RTN3: variants seen among roughly 807,000 people sequenced by gnomAD.
RTN3 encodes reticulon 3.
Under a neutral mutation model 77.8 loss-of-function variants are expected in RTN3, and 49 were observed. That is an observed-to-expected ratio of 0.63 (90% CI 0.50 to 0.80). The LOEUF (loss-of-function observed/expected upper bound fraction) is 0.80, where lower values mean the gene tolerates loss of function less well. RTN3 is among the 30% of genes least tolerant of loss of function. The pLI is 0.00. For missense variants in RTN3, 1,236 were observed against 1,211.9 expected (o/e 1.02, Z -0.29); for synonymous variants, 464 against 446.9 (o/e 1.04, Z -0.48).
intron 1 of RTN3, among the ~76,000 whole-genome samples, chr11:63,682,322 GTTTT>G (rs201365679): frequency 2.0e-5 from 3 of 151,884 alleles, no homozygotes; most frequent in Admixed American, 1.3e-4. Context: ...ATTGTAGCCT[GTTTT>G]TTTTGTTTGT....
chr11:63,750,720 GT>G (rs1020111801), intron 4 of RTN3, among the ~76,000 whole-genome samples: 1 of 150,830 alleles, frequency 6.6e-6, no homozygotes, highest in Non-Finnish European at 1.5e-5. Context: ...CCAAAGTGCT[GT>G]TTTTTTTGTT....
At position 63,718,854 on chromosome 11, in the gene RTN3, G is replaced by A; in HGVS notation, c.352G>A (p.Gly118Arg). The stretch of plus-strand genomic sequence containing the variant: ...GAGCCAGCCTATTTTAGCCAAAGAA[G>A]GAAAAGACCACTTGGATCTTCTAGA... ...LGSQPILAKE[G>R]KDHLDLLDMK... Residue 118 changes from glycine to arginine, a missense_variant, in exon 3 of 9, where the codon GGA becomes AGA. This residue lies in a region of RTN3 where 1,056 missense variants were observed against 990.4 expected (regional missense o/e 1.07). Coordinates refer to ENST00000377819, the MANE Select transcript of RTN3 (RefSeq NM_001265589.2). 6.2e-7 allele frequency: 1 copy of A among 1,614,072 alleles called. No individual in the cohort carries two copies. Among genetic ancestry groups the A allele is most frequent in the Non-Finnish European group, 8.5e-7 (1 of 1,180,012 alleles).
intron 1 of RTN3, among the ~76,000 whole-genome samples, chr11:63,691,630 C>G (rs570968764): frequency 1.3e-5 from 2 of 152,294 alleles, no homozygotes; most frequent in African/African-American, 2.4e-5. Context: ...TTCTTTCCTT[C>G]TTTTGCTCAA....
intron 3 of RTN3, among the ~76,000 whole-genome samples, chr11:63,723,623 C>T: frequency 6.6e-6 from 1 of 152,016 alleles, no homozygotes; most frequent in South Asian, 2.1e-4. Flanking sequence ...TGGGGTTTCA[C>T]CATGTTGGCC....
chr11:63,752,760 C>T (rs2014173134), intron 5 of RTN3, 115 bp downstream of exon 5: 8 of 1,097,464 alleles, frequency 7.3e-6, no homozygotes, highest in Admixed American at 4.0e-5. Context: ...GTATGCTTAG[C>T]TCAGTCATTC....
intron 2 of RTN3, among the ~76,000 whole-genome samples, chr11:63,709,598 GAAA>G (rs968180365): frequency 6.7e-6 from 1 of 149,864 alleles, no homozygotes; most frequent in African/African-American, 2.5e-5. Flanking sequence ...AAAAAAAAAA[GAAA>G]AACATTTTTC....
chr11:63,709,464 T>A (rs1421291089), intron 2 of RTN3, among the ~76,000 whole-genome samples: 1 of 152,112 alleles, frequency 6.6e-6, no homozygotes, highest in Non-Finnish European at 1.5e-5. Flanking sequence ...AGCATTGCAT[T>A]AATGAATGCT....
At chr11:63,727,456 T>G (rs1006478269) in intron 3 of RTN3, among the ~76,000 whole-genome samples, 3 of 151,576 alleles carry the variant, frequency 2.0e-5, no homozygotes, top group Non-Finnish European at 3.0e-5. Context: ...AAAAAGAAAA[T>G]CTCAACCTAG....
Position 63,703,146 on chromosome 11 carries a change from A to G in RTN3, c.143-1705A>G, listed in dbSNP as rs1468623461. 2.0e-5 allele frequency among the ~76,000 whole-genome samples: 3 copies of G among 152,242 alleles called. No individual in the cohort carries two copies. In the East Asian group the frequency reaches 5.8e-4, roughly 29 times the overall value. ...AAAAAACACAATTTTTAAAAACAAT[A>G]CAGTGTAACAACTATTTACATAGCA... On this transcript the variant is annotated intron_variant, in intron 1 of 8. Coordinates refer to ENST00000377819, the MANE Select transcript of RTN3 (RefSeq NM_001265589.2).
At chr11:63,708,501 T>A (rs956164209) in intron 2 of RTN3, among the ~76,000 whole-genome samples, 8 of 152,172 alleles carry the variant, frequency 5.3e-5, no homozygotes, top group African/African-American at 1.9e-4. Context: ...ACTTTTTTTT[T>A]ATCCTGAAAT....
chr11:63,713,869 A>G (rs1486011432), intron 2 of RTN3: 1 of 340,298 alleles, frequency 2.9e-6, no homozygotes, highest in East Asian at 8.0e-5. Context: ...TTTCTGAGAC[A>G]TAAAATAATC....
intron 1 of RTN3, among the ~76,000 whole-genome samples, chr11:63,684,673 C>T (rs995701818): frequency 1.3e-5 from 2 of 152,170 alleles, no homozygotes; most frequent in Non-Finnish European, 1.5e-5. Context: ...ACTATTAGCA[C>T]TTAAAACAGT....
Position 63,719,420 on chromosome 11 carries a change from A to G in RTN3, c.918A>G (p.Pro306=), listed in dbSNP as rs1199122346. Residue 306 remains proline (P), a synonymous_variant, in exon 3 of 9, where the codon CCA becomes CCG. Transcript: ENST00000377819. ...GAAATAAAGAGGCAGGACGTTACCC[A>G]ATGTCTGCATTGCTCAGTAGGCAGT... The part of the protein sequence containing the change: ...PLRNKEAGRY[P]MSALLSRQFS... The G allele has an allele frequency of 6.2e-7, 1 of 1,614,034 alleles. No individual in the cohort carries two copies. The highest frequency in any genetic ancestry group is 1.3e-5 in the African/African-American group (1 of 74,924).
chr11:63,749,128 A>G (rs375717936), intron 3 of RTN3, among the ~76,000 whole-genome samples: 2 of 152,270 alleles, frequency 1.3e-5, no homozygotes, highest in African/African-American at 4.8e-5. Context: ...AAAAAAGAAA[A>G]AAGTACCTGG....
intron 3 of RTN3, among the ~76,000 whole-genome samples, chr11:63,733,255 C>T (rs776227109): frequency 1.3e-5 from 2 of 152,054 alleles, no homozygotes; most frequent in Admixed American, 6.6e-5. Flanking sequence ...GAGGGAGGAC[C>T]GAGGCAGGCA....
chr11:63,731,688 C>T (rs2012703519), intron 3 of RTN3, among the ~76,000 whole-genome samples: 1 of 152,068 alleles, frequency 6.6e-6, no homozygotes, highest in Non-Finnish European at 1.5e-5. Context: ...AACTCTCGCT[C>T]TGTCACCAGG....
intron 1 of RTN3, among the ~76,000 whole-genome samples, chr11:63,687,678 C>T (rs993601586): frequency 6.6e-6 from 1 of 151,460 alleles, no homozygotes; most frequent in East Asian, 1.9e-4. Context: ...AATAACTGTA[C>T]CATTAATGTG....
intron 2 of RTN3, among the ~76,000 whole-genome samples, chr11:63,705,523 C>T (rs920842323): frequency 6.6e-6 from 1 of 152,148 alleles, no homozygotes; most frequent in African/African-American, 2.4e-5. Context: ...CAGGAAACAC[C>T]CAACCCCTAG....
chr11:63,756,130 G>A lies in RTN3; in HGVS notation c.3013G>A (p.Val1005Ile). ...EKYKTQIDHY[V>I]GIARDQTKSI... ...CTTAAAGACCCAGATTGATCACTAT[G>A]TTGGCATCGCCCGAGATCAGACCAA... The change falls in exon 8 of 9, where the codon GTT becomes ATT. Residue 1005 changes from valine to isoleucine, a missense_variant. By Grantham distance (29) the Val-to-Ile change is conservative. Transcript: ENST00000377819. 1.2e-6 allele frequency: 2 copies of A among 1,613,308 alleles called. No individual in the cohort carries two copies. Among genetic ancestry groups the A allele is most frequent in the South Asian group, 2.2e-5 (2 of 91,070 alleles).
Sources: allele counts gnomAD v4.1 joint callset (sites outside exome capture counted in the v4.1 genomes callset), GRCh38; gene constraint gnomAD v4.1.1; regional missense constraint gnomAD v4.1.1; transcripts MANE v1.5; gene names NCBI Gene and HGNC (gene_info 2026-07-23, HGNC 2026-07-21).